ESR1: variants seen among roughly 807,000 people sequenced by gnomAD.
ESR1 encodes the protein estrogen receptor 1, also known as estrogen receptor.
A neutral mutation model predicts 52.7 loss-of-function variants in ESR1; 12 were observed. The observed-to-expected ratio is 0.23, with a 90% CI of 0.15 to 0.37. ESR1 has a LOEUF of 0.37. ESR1 is among the 10% of genes least tolerant of loss of function. ESR1 has a pLI of 1.00. For synonymous variants in ESR1, 305 were observed against 316.8 expected, an observed-to-expected ratio of 0.96 and a Z score of 0.39; for missense variants, 584 against 779.7, an observed-to-expected ratio of 0.75 and a Z score of 2.99.
chr6:152,086,022 C>G (rs1453997215), intron 6 of ESR1, among the ~76,000 whole-genome samples: 1 of 152,164 alleles, frequency 6.6e-6, no homozygotes. Context: ...CAAATGTATC[C>G]AGGATGTTTT....
chr6:151,726,664 A>G (rs1193301870), intron 2 of ESR1, among the ~76,000 whole-genome samples: 1 of 152,170 alleles, frequency 6.6e-6, no homozygotes, highest in African/African-American at 2.4e-5. Flanking sequence ...TCAGTTTCTA[A>G]CTGTTGACAC....
intron 5 of ESR1, among the ~76,000 whole-genome samples, chr6:152,028,304 A>T (rs1033013097): frequency 6.6e-6 from 1 of 152,206 alleles, no homozygotes. Flanking sequence ...GGTGCAGGAC[A>T]GTGGGTGCAG....
rs2038361731 is a variant in ESR1, at chr6:151,967,172, C to T, written c.1096+22664C>T. Among the ~76,000 whole-genome samples, 4 of 152,296 alleles carry T rather than the reference C, an allele frequency of 2.6e-5. No individual in the cohort carries two copies. The South Asian group carries it at 8.3e-4, about 32-fold the overall frequency. On this transcript the variant is annotated intron_variant, in intron 4 of 7. Transcript: ENST00000206249. ...AAAAGAACATTTTAAAACTACTCTA[C>T]TGCCAGAATGATCTCTTTTTTTTAA...
intron 3 of ESR1, among the ~76,000 whole-genome samples, chr6:151,932,284 A>G (rs1449559576): frequency 6.6e-6 from 1 of 150,638 alleles, no homozygotes; most frequent in Admixed American, 6.6e-5. Context: ...TCCTTTGCCC[A>G]CTTTTTGATG....
At chr6:151,862,400 G>T (rs577296511) in intron 2 of ESR1, among the ~76,000 whole-genome samples, 1 of 152,294 alleles carries the variant, frequency 6.6e-6, no homozygotes, top group African/African-American at 2.4e-5. Flanking sequence ...CACAGAGTTG[G>T]CTGGAGTTAG....
chr6:151,710,402 T>A (rs1356746832), intron 2 of ESR1, among the ~76,000 whole-genome samples: 1 of 152,064 alleles, frequency 6.6e-6, no homozygotes, highest in Non-Finnish European at 1.5e-5. Context: ...GTAAAAAATA[T>A]TTATCACACA....
chr6:151,834,694 A>G (rs1005064593), intron 1 of ESR1, among the ~76,000 whole-genome samples: 1 of 152,166 alleles, frequency 6.6e-6, no homozygotes, highest in Non-Finnish European at 1.5e-5. Context: ...AACTTAAAGT[A>G]TAATTAAAAA....
intron 2 of ESR1, among the ~76,000 whole-genome samples, chr6:151,709,192 C>A (rs572883967): frequency 1.3e-5 from 2 of 152,142 alleles, no homozygotes; most frequent in Admixed American, 1.3e-4. Context: ...TCTATGAGAT[C>A]AACCTTTTTA....
At chr6:151,906,713 G>C (rs552856173) in intron 3 of ESR1, among the ~76,000 whole-genome samples, 31 of 146,256 alleles carry the variant, frequency 2.1e-4, no homozygotes, top group Non-Finnish European at 3.9e-4. Context: ...CTAGTATGCA[G>C]CTTGACTTTG....
exon 2 of ESR1, chr6:151,701,952 G>A (rs1179603880): frequency 6.6e-6 from 1 of 152,174 alleles, no homozygotes; most frequent in Non-Finnish European, 1.5e-5. Flanking sequence ...TATCAGCACA[G>A]CACTTCTTGA....
intron 4 of ESR1, among the ~76,000 whole-genome samples, chr6:152,003,302 A>T (rs1468798362): frequency 2.0e-5 from 3 of 151,690 alleles, no homozygotes; most frequent in South Asian, 2.1e-4. Flanking sequence ...CTGTCATCAA[A>T]CAACTTACTT....
intron 1 of ESR1, among the ~76,000 whole-genome samples, chr6:151,697,528 T>G (rs1382864080): frequency 6.6e-6 from 1 of 152,238 alleles, no homozygotes; most frequent in African/African-American, 2.4e-5. Flanking sequence ...TGCTGTTTAC[T>G]TGGAATATTT....
chr6:151,888,917 T>G (rs1794287124), intron 3 of ESR1, among the ~76,000 whole-genome samples: 2 of 152,210 alleles, frequency 1.3e-5, no homozygotes, highest in Admixed American at 6.5e-5. Flanking sequence ...TTTCCTCTAT[T>G]GAGATGATTG....
chr6:151,987,724 G>A (rs1435612121), intron 4 of ESR1, among the ~76,000 whole-genome samples: 1 of 152,074 alleles, frequency 6.6e-6, no homozygotes, highest in East Asian at 1.9e-4. Flanking sequence ...AAAGTCTTTG[G>A]GTGGTTGATG....
chr6:151,916,453 T>G (rs1047153139), intron 3 of ESR1, among the ~76,000 whole-genome samples: 1 of 152,204 alleles, frequency 6.6e-6, no homozygotes. Flanking sequence ...TATTAAGAAA[T>G]TTTTTAATTT....
chr6:151,908,200 T>A (rs1431472082), intron 3 of ESR1, among the ~76,000 whole-genome samples: 1 of 152,230 alleles, frequency 6.6e-6, no homozygotes, highest in Non-Finnish European at 1.5e-5. Context: ...ACATTTCTCC[T>A]TCATTTCTTT....
chr6:151,996,956 G>A (rs2041541649), intron 4 of ESR1, among the ~76,000 whole-genome samples: 1 of 152,030 alleles, frequency 6.6e-6, no homozygotes, highest in Non-Finnish European at 1.5e-5. Flanking sequence ...TGACAAACAT[G>A]TTCCAGACCA....
intron 6 of ESR1, chr6:152,122,676 C>T (rs1226539151): frequency 1.2e-6 from 2 of 1,613,692 alleles, no homozygotes; most frequent in African/African-American, 2.7e-5. Flanking sequence ...CTTTTGTGGA[C>T]CTGAGAGAAG....
At chr6:151,816,775 T>A (rs191902485) in intron 1 of ESR1, among the ~76,000 whole-genome samples, 1 of 152,154 alleles carries the variant, frequency 6.6e-6, no homozygotes. Flanking sequence ...TGCGTGCAGC[T>A]GCTCATGCCT....
Sources: gnomAD v4.1 joint callset for allele counts (sites outside exome capture counted in the v4.1 genomes callset) on GRCh38, gnomAD v4.1.1 for gene constraint, MANE v1.5 for transcripts, NCBI Gene and HGNC (gene_info 2026-07-23, HGNC 2026-07-21) for gene names.